The following DCAF7 variants were observed in gnomAD, a reference collection of about 807,000 sequenced individuals.
The protein encoded by DCAF7 is DDB1 and CUL4 associated factor 7, also known as DDB1- and CUL4-associated factor 7.
A neutral mutation model predicts 41.2 loss-of-function variants in DCAF7; 4 were observed. The observed-to-expected ratio is 0.10, with a 90% CI of 0.05 to 0.22. DCAF7 has a LOEUF of 0.22. Ranked by LOEUF, DCAF7 falls within the 10% of genes least tolerant of loss-of-function variation. The probability of loss-of-function intolerance (pLI) is 1.00; values close to 1 mark genes in which losing one functional copy is unlikely to be tolerated. For missense variants in DCAF7, 131 were observed against 443.2 expected, an observed-to-expected ratio of 0.30 and a Z score of 6.32; for synonymous variants, 143 against 164.2, an observed-to-expected ratio of 0.87 and a Z score of 0.99.
rs544112424 is a variant in DCAF7 at position 63,585,361 on chromosome 17, G to C, written c.856+33G>C. ...TGGTGGGGAGAAAGAAATCTGGGAA[G>C]GATGGAGGAAATCTGTTCTCTTGGC... On this transcript the variant is annotated intron_variant, in intron 6 of 6. Transcript: ENST00000614556. The C allele has an allele frequency of 9.6e-6, 15 of 1,569,882 alleles. No individual in the cohort carries two copies. In the Admixed American group the frequency reaches 2.2e-4, roughly 23 times the overall value.
chr17:63,575,000 A>G (rs762612334), intron 1 of DCAF7, among the ~76,000 whole-genome samples: 1 of 152,138 alleles, frequency 6.6e-6, no homozygotes. Context: ...TTTCATTTAT[A>G]ATAGCATAAA....
intron 1 of DCAF7, among the ~76,000 whole-genome samples, chr17:63,569,405 T>C (rs562797095): frequency 4.9e-4 from 73 of 148,568 alleles, no homozygotes; most frequent in African/African-American, 1.7e-3. Context: ...AAAAAGCTCA[T>C]GCCCAGACCT....
At chr17:63,579,717 T>C (rs2033599518) in intron 3 of DCAF7, 108 bp from the exon 4 acceptor site, 2 of 964,050 alleles carry the variant, frequency 2.1e-6, no homozygotes, top group Non-Finnish European at 1.6e-6. Context: ...TTTTCTGTAG[T>C]CTTTATGGTA....
In DCAF7 at chr17:63,578,497, A is replaced by G. The variant is rs1175281235; in HGVS notation, c.166A>G (p.Ser56Gly). The change falls in exon 2 of 7, where the codon AGT (serine) becomes GGT (glycine). Residue 56 changes from serine (S) to glycine (G), a missense_variant. Coordinates refer to ENST00000614556, the MANE Select transcript of DCAF7 (RefSeq NM_005828.5). Reference protein sequence around the residue: ...KVQLVGLDEESSEFICRNTFD... With the variant: ...KVQLVGLDEEGSEFICRNTFD... ...TCAGCTTGTTGGTTTAGATGAGGAGAGTTCAGAGTTTATTTGCAGAAACAC... is the reference window on the plus strand; with the variant it reads ...TCAGCTTGTTGGTTTAGATGAGGAGGGTTCAGAGTTTATTTGCAGAAACAC... The G allele has an allele frequency of 6.2e-7, 1 of 1,613,882 alleles. No individual in the cohort carries two copies. The highest frequency in any genetic ancestry group is 1.1e-5 in the South Asian group (1 of 91,076).
In DCAF7 at chr17:63,556,792, GGGAGGC is replaced by G. The variant is rs1482023602; in HGVS notation, c.138+5983_138+5988del. Among the ~76,000 whole-genome samples the G allele has an allele frequency of 2.0e-5, 3 of 152,294 alleles. No homozygotes were observed. In the East Asian group the frequency reaches 5.8e-4, roughly 29 times the overall value. On this transcript the variant is annotated intron_variant, in intron 1 of 6. Transcript: ENST00000614556. ...TGAGGCAGGAGAATCACTTGAACCT[GGGAGGC>G]GGAGGTGTGGTGAGCCAAGATTGTG...
intron 1 of DCAF7, among the ~76,000 whole-genome samples, chr17:63,576,063 A>C (rs965784738): frequency 6.6e-6 from 1 of 152,222 alleles, no homozygotes; most frequent in Admixed American, 6.5e-5. Context: ...TGGTCAACTG[A>C]TTTTCAATAA....
At chr17:63,564,164 T>C (rs111673608) in intron 1 of DCAF7, among the ~76,000 whole-genome samples, 35,613 of 148,638 alleles carry the variant, frequency 0.24, 4,411 homozygotes, top group Middle Eastern at 0.33. Context: ...CACACACACA[T>C]ACACATATAT....
rs564651732 is a variant in DCAF7 at position 63,550,555 on chromosome 17, C to T, written c.-123C>T. On this transcript the variant is annotated 5_prime_UTR_variant, in exon 1 of 7. Coordinates refer to ENST00000614556, the MANE Select transcript of DCAF7 (RefSeq NM_005828.5). The surrounding 1 kb of genome is among the most constrained non-coding windows in gnomAD (Gnocchi z 4.8). ...TTGTTTGTCGCCGCATCCCCGCTTC[C>T]GGGTTAGGCCGTTCCTGCCCGCCCC... 1.5e-5 allele frequency: 22 copies of T among 1,422,034 alleles called. No homozygotes were observed. In the African/African-American group the frequency reaches 2.3e-4, roughly 15 times the overall value. 88.1% of individuals were successfully genotyped at this position (1,422,034 alleles called of 1,614,324 possible).
At position 63,584,634 on chromosome 17, in the gene DCAF7, C is replaced by T. The variant is rs535055998; in HGVS notation, c.739-577C>T. Among the ~76,000 whole-genome samples the T allele has an allele frequency of 1.8e-4, 27 of 152,220 alleles. 1 individual carries two copies. Among genetic ancestry groups the T allele is most frequent in the African/African-American group, 6.0e-4 (25 of 41,530 alleles). ...AAAATTAGCCGGGCGTGGTGTCAGG[C>T]ACCTGTAGTCCCAGCTACTCGGGAG... On this transcript the variant is annotated intron_variant, in intron 5 of 6. Coordinates refer to ENST00000614556, the MANE Select transcript of DCAF7 (RefSeq NM_005828.5).
chr17:63,564,798 G>T (rs567691067), intron 1 of DCAF7, among the ~76,000 whole-genome samples: 178 of 152,334 alleles, frequency 1.2e-3, no homozygotes, highest in African/African-American at 4.1e-3. Context: ...TTCCCCCACC[G>T]GAGGAGCTAG....
intron 1 of DCAF7, among the ~76,000 whole-genome samples, chr17:63,558,016 C>T (rs1019145621): frequency 1.3e-5 from 2 of 152,110 alleles, no homozygotes; most frequent in African/African-American, 4.8e-5. Flanking sequence ...CCACCTCTGC[C>T]TCCCGAGTAG....
intron 1 of DCAF7, among the ~76,000 whole-genome samples, chr17:63,551,795 C>T (rs1425231879): frequency 1.4e-5 from 2 of 147,856 alleles, no homozygotes; most frequent in Non-Finnish European, 3.0e-5. Context: ...GCCTGTAATC[C>T]CAGGACTTTG....
chr17:63,588,404 C>T (rs920038804), intron 6 of DCAF7, among the ~76,000 whole-genome samples: 2 of 150,304 alleles, frequency 1.3e-5, no homozygotes, highest in African/African-American at 4.9e-5. Flanking sequence ...ACCATGTTGT[C>T]CAGGCTGGTC....
chr17:63,579,771 G>A (rs2033600056), intron 3 of DCAF7, 54 bp from the exon 4 acceptor site: 15 of 1,443,330 alleles, frequency 1.0e-5, no homozygotes, highest in East Asian at 2.3e-5. Context: ...CAAGAGGGAA[G>A]CTTGCATGAG....
intron 4 of DCAF7, among the ~76,000 whole-genome samples, chr17:63,581,432 C>G (rs1218102422): frequency 6.6e-6 from 1 of 152,188 alleles, no homozygotes; most frequent in Non-Finnish European, 1.5e-5. Context: ...CTGCAGCTGC[C>G]TATAGGCCAG....
rs1421389759 is a variant in DCAF7 at position 63,590,407 on chromosome 17, G to GA, written c.*1244dup. 7 of 151,156 alleles carry GA rather than the reference G, an allele frequency of 4.6e-5. No individual in the cohort carries two copies. Among genetic ancestry groups the GA allele is most frequent in the South Asian group, 2.1e-4 (1 of 4,756 alleles). The allele number at this position is 151,156 out of a possible 1,614,324, so 9.4% of individuals were successfully genotyped here. Reference sequence around the variant, plus strand: ...TATACTGTGGGTAATGAAAAGGGAGGAAAAAAAAAGAAGGAAAAGGAATTA... The same window carrying GA: ...TATACTGTGGGTAATGAAAAGGGAGGAAAAAAAAAAGAAGGAAAAGGAATTA... On this transcript the variant is annotated 3_prime_UTR_variant, in exon 7 of 7. Transcript: ENST00000614556.
At chr17:63,567,820 T>C (rs2147767225) in intron 1 of DCAF7, among the ~76,000 whole-genome samples, 1 of 150,752 alleles carries the variant, frequency 6.6e-6, no homozygotes, top group East Asian at 2.0e-4. Flanking sequence ...CAACCACACC[T>C]GGCTAATTTT....
At chr17:63,553,912 C>G (rs1180230084) in intron 1 of DCAF7, among the ~76,000 whole-genome samples, 1 of 152,052 alleles carries the variant, frequency 6.6e-6, no homozygotes, top group Non-Finnish European at 1.5e-5. Context: ...AATAAAAAGC[C>G]CCATTATAGG....
Position 63,579,324 on chromosome 17 carries a change from C to T in DCAF7, c.298-13C>T, listed in dbSNP as rs190358434. On this transcript the variant is annotated splice_polypyrimidine_tract_variant and intron_variant, in intron 2 of 6. Coordinates refer to ENST00000614556, the MANE Select transcript of DCAF7 (RefSeq NM_005828.5). The stretch of plus-strand genomic sequence containing the variant: ...AGACTGGCTGATTTTTTTTAAAATT[C>T]TTGTTCCTTCAGGTTGGTGAAACAG... 2.6e-6 allele frequency: 4 copies of T among 1,562,266 alleles called. No individual in the cohort carries two copies. In the Admixed American group the frequency reaches 7.6e-5, roughly 30 times the overall value.
Sources: gnomAD v4.1 joint callset for allele counts (sites outside exome capture counted in the v4.1 genomes callset) on GRCh38, gnomAD v4.1.1 for gene constraint, Gnocchi (gnomAD v3.1) non-coding constraint, MANE v1.5 for transcripts, NCBI Gene and HGNC (gene_info 2026-07-23, HGNC 2026-07-21) for gene names.